Variants in KIF11 observed in about 807,000 individuals in gnomAD.
KIF11 encodes kinesin family member 11, also known as kinesin-like protein KIF11.
In KIF11, 9 loss-of-function variants were observed where a neutral mutation model predicts 121.0. That is an observed-to-expected ratio of 0.07 (90% CI 0.04 to 0.13). The LOEUF (loss-of-function observed/expected upper bound fraction) is 0.13. Among genes scored for constraint, KIF11 ranks in the 10% least tolerant of loss-of-function variants. The pLI, the probability that KIF11 is intolerant of heterozygous loss-of-function variation, is 1.00. For synonymous variants in KIF11, 408 were observed against 421.0 expected (o/e 0.97, Z 0.38); for missense variants, 846 against 1,217.5 (o/e 0.69, Z 4.54).
chr10:92,605,119 G>A (rs184445854), intron 1 of KIF11, among the ~76,000 whole-genome samples: 22 of 152,238 alleles, frequency 1.4e-4, no homozygotes, highest in Non-Finnish European at 2.2e-4. Flanking sequence ...GCAGGTGGGG[G>A]AGGCACATAG....
chr10:92,639,968 A>T, intron 17 of KIF11, 68 bp downstream of exon 17: 1 of 774,762 alleles, frequency 1.3e-6, no homozygotes, highest in Non-Finnish European at 2.1e-6. Context: ...AAAAAGCTTT[A>T]AATAGTACAA....
chr10:92,612,227 C>G (rs1462380157), intron 6 of KIF11, among the ~76,000 whole-genome samples: 1 of 152,028 alleles, frequency 6.6e-6, no homozygotes, highest in African/African-American at 2.4e-5. Flanking sequence ...CCTTGACCTC[C>G]TGGGCTAAAG....
In KIF11 at chr10:92,653,738, C is replaced by G; in HGVS notation, c.3113C>G (p.Thr1038Ser). ...NTLERSKVEE[T>S]TEHLVTKSRL... ...CTGGAGAGGTCTAAAGTGGAAGAAA[C>G]TACAGAGCACTTGGTTACAAAGAGC... Residue 1038 changes from threonine to serine, a missense_variant, in exon 22 of 22, where the codon ACT (threonine) becomes AGT (serine). Thr to Ser is a moderately conservative substitution (Grantham distance 58). Around this residue, in one of 5 missense-constraint regions of KIF11, gnomAD observed 492 missense variants for 603.4 expected, o/e 0.82. Transcript: ENST00000260731. The G allele has an allele frequency of 6.2e-7, 1 of 1,613,642 alleles. No homozygotes were observed. Among genetic ancestry groups the G allele is most frequent in the Non-Finnish European group, 8.5e-7 (1 of 1,179,594 alleles).
intron 17 of KIF11, among the ~76,000 whole-genome samples, chr10:92,641,845 T>C (rs1170545900): frequency 6.6e-6 from 1 of 152,204 alleles, no homozygotes; most frequent in African/African-American, 2.4e-5. Context: ...TAGATACATA[T>C]ATTCTCTTTG....
chr10:92,618,447 C>G (rs1424610579), intron 9 of KIF11, among the ~76,000 whole-genome samples: 1 of 151,600 alleles, frequency 6.6e-6, no homozygotes, highest in Non-Finnish European at 1.5e-5. Context: ...GAGTTCGAGA[C>G]CAGCCTGGCT....
intron 2 of KIF11, 86 bp downstream of exon 2, chr10:92,606,483 A>C: frequency 7.8e-7 from 1 of 1,277,184 alleles, no homozygotes; most frequent in Non-Finnish European, 1.1e-6. Flanking sequence ...GTGTATACTT[A>C]GAAATTTCAG....
chr10:92,630,766 C>A (rs560675490), intron 12 of KIF11, among the ~76,000 whole-genome samples: 1 of 147,392 alleles, frequency 6.8e-6, no homozygotes, highest in South Asian at 2.2e-4. Flanking sequence ...CTCGGGAAGG[C>A]TGAGGTGGAA....
intron 1 of KIF11, among the ~76,000 whole-genome samples, chr10:92,601,378 T>C (rs1486561481): frequency 1.3e-5 from 2 of 151,696 alleles, no homozygotes; most frequent in Admixed American, 6.6e-5. Flanking sequence ...TTTTTTTTTT[T>C]TCTCGTATTT....
At chr10:92,650,996 G>T (rs1844973270) in intron 21 of KIF11, among the ~76,000 whole-genome samples, 1 of 151,936 alleles carries the variant, frequency 6.6e-6, no homozygotes, top group African/African-American at 2.4e-5. Flanking sequence ...CACCTTGCCT[G>T]CTCTAATCCA....
chr10:92,639,928 T>C, intron 17 of KIF11, 28 bp downstream of exon 17: 1 of 1,199,162 alleles, frequency 8.3e-7, no homozygotes, highest in South Asian at 1.3e-5. Context: ...TCTCTTAAAC[T>C]TTTCTGTAAG....
At chr10:92,596,354 G>C (rs948225798) in intron 1 of KIF11, among the ~76,000 whole-genome samples, 2 of 152,108 alleles carry the variant, frequency 1.3e-5, no homozygotes, top group Non-Finnish European at 2.9e-5. Flanking sequence ...TATGAATATG[G>C]GTTTTCAATT....
Position 92,650,467 on chromosome 10 carries a change from G to A in KIF11, c.2989G>A (p.Val997Ile). ...TEEPLSQEPSVDAGVDCSSIG... is the reference protein window; with the variant it reads ...TEEPLSQEPSIDAGVDCSSIG... ...AGAACCTCTAAGTCAAGAGCCATCT[G>A]TAGATGCTGGTGTGGATTGTTCATC... The change falls in exon 21 of 22, where the codon GTA (valine) becomes ATA (isoleucine). Residue 997 changes from valine (V) to isoleucine (I), a missense_variant. Transcript: ENST00000260731. 6.2e-7 allele frequency: 1 copy of A among 1,613,714 alleles called. No individual in the cohort carries two copies. The highest frequency in any genetic ancestry group is 8.5e-7 in the Non-Finnish European group (1 of 1,179,630).
rs1845013517 is a variant in KIF11 at position 92,653,734 on chromosome 10, G to A, written c.3109G>A (p.Glu1037Lys). The A allele has an allele frequency of 6.2e-7, 1 of 1,613,516 alleles. No individual in the cohort carries two copies. The highest frequency in any genetic ancestry group is 8.5e-7 in the Non-Finnish European group (1 of 1,179,548). Residue 1037 changes from glutamate (E) to lysine (K), a missense_variant, in exon 22 of 22, where the codon GAA (glutamate) becomes AAA (lysine). This residue lies in a region of KIF11 where 492 missense variants were observed against 603.4 expected (regional missense o/e 0.82). Coordinates refer to ENST00000260731, the MANE Select transcript of KIF11 (RefSeq NM_004523.4). ...CACACTGGAGAGGTCTAAAGTGGAA[G>A]AAACTACAGAGCACTTGGTTACAAA... is the stretch of plus-strand genomic sequence containing the variant. ...INTLERSKVE[E>K]TTEHLVTKSR... is the part of the protein sequence containing the mutation.
intron 1 of KIF11, among the ~76,000 whole-genome samples, chr10:92,593,739 T>G (rs1002773036): frequency 6.6e-6 from 1 of 152,160 alleles, no homozygotes; most frequent in Non-Finnish European, 1.5e-5. Context: ...CTTCATGTAG[T>G]TTGTCAGTTT....
chr10:92,645,520 G>A lies in KIF11; in HGVS notation c.2425G>A (p.Glu809Lys). The change falls in exon 18 of 22, where the codon GAA (glutamate) becomes AAA (lysine). Residue 809 changes from glutamate (E) to lysine (K), a missense_variant. Physicochemically the swap from Glu to Lys is moderately conservative, Grantham distance 56. Coordinates refer to ENST00000260731, the MANE Select transcript of KIF11 (RefSeq NM_004523.4). ...CTCTGATAAACTCAATGGCAACCTG[G>A]AAAAAATATCTCAAGAGACTGAACA... ...KHSDKLNGNLEKISQETEQRC... is the reference protein window; with the variant it reads ...KHSDKLNGNLKKISQETEQRC... The A allele has an allele frequency of 6.2e-7, 1 of 1,613,870 alleles. No homozygotes were observed. Among genetic ancestry groups the A allele is most frequent in the Non-Finnish European group, 8.5e-7 (1 of 1,179,884 alleles).
intron 1 of KIF11, among the ~76,000 whole-genome samples, chr10:92,595,449 A>T (rs1043873212): frequency 6.6e-6 from 1 of 152,142 alleles, no homozygotes; most frequent in Non-Finnish European, 1.5e-5. Context: ...CTGTCAGGGC[A>T]GGGGCCAGGT....
At position 92,632,470 on chromosome 10, in the gene KIF11, A is replaced by G; in HGVS notation, c.1495-16A>G. On this transcript the variant is annotated splice_polypyrimidine_tract_variant and intron_variant, in intron 12 of 21. Coordinates refer to ENST00000260731, the MANE Select transcript of KIF11 (RefSeq NM_004523.4). ...ACCGTATCCATTTTGTCTAACACTT[A>G]TTTTTAAAAATATAGCTGCTTAACA... The G allele has an allele frequency of 6.5e-7, 1 of 1,534,408 alleles. No individual in the cohort carries two copies. The highest frequency in any genetic ancestry group is 2.2e-5 in the East Asian group (1 of 44,510).
intron 1 of KIF11, 120 bp downstream of exon 1, chr10:92,593,572 C>G: frequency 1.2e-6 from 1 of 802,680 alleles, no homozygotes; most frequent in Non-Finnish European, 2.0e-6. Flanking sequence ...CTTGGTTCTC[C>G]GCGTTCTGTT....
At chr10:92,608,446 GT>G (rs201301664) in intron 4 of KIF11, among the ~76,000 whole-genome samples, 19 of 148,710 alleles carry the variant, frequency 1.3e-4, no homozygotes, top group Admixed American at 2.0e-4. Context: ...TGAACTTGGC[GT>G]TTTTTTTTTG....
Sources: gnomAD v4.1 joint callset for allele counts (sites outside exome capture counted in the v4.1 genomes callset) on GRCh38, gnomAD v4.1.1 for gene constraint, gnomAD v4.1.1 regional missense constraint, MANE v1.5 for transcripts, NCBI Gene and HGNC (gene_info 2026-07-23, HGNC 2026-07-21) for gene names.